SGCD: variants seen among roughly 807,000 people sequenced by gnomAD.
SGCD encodes sarcoglycan delta, also known as delta-sarcoglycan.
In SGCD, 18 loss-of-function variants were observed where a neutral mutation model predicts 36.6. The observed-to-expected ratio is 0.49, with a 90% confidence interval of 0.34 to 0.73. The LOEUF (loss-of-function observed/expected upper bound fraction) is 0.73, where lower values mean the gene tolerates loss of function less well. Among genes scored for constraint, SGCD ranks in the 30% least tolerant of loss-of-function variants. The pLI is 0.01. For missense variants in SGCD, 387 were observed against 346.7 expected (o/e 1.12, Z -0.92); for synonymous variants, 133 against 130.6 (o/e 1.02, Z -0.12).
intron 1 of SGCD, among the ~76,000 whole-genome samples, chr5:156,092,797 G>A (rs918622185): frequency 2.4e-4 from 36 of 152,294 alleles, no homozygotes; most frequent in East Asian, 7.7e-4. Flanking sequence ...TGGGCATTCT[G>A]ACATATAGAG....
At chr5:156,290,745 C>T (rs1420100334) in intron 3 of SGCD, among the ~76,000 whole-genome samples, 1 of 152,018 alleles carries the variant, frequency 6.6e-6, no homozygotes, top group East Asian at 1.9e-4. Flanking sequence ...ATATGATTTA[C>T]CCTCTCTTTT....
intron 6 of SGCD, among the ~76,000 whole-genome samples, chr5:156,612,032 A>G (rs1431168376): frequency 6.6e-6 from 1 of 152,136 alleles, no homozygotes; most frequent in Non-Finnish European, 1.5e-5. Flanking sequence ...GAGTTTCCTA[A>G]GCTCATGATT....
At chr5:156,668,597 T>C (rs1331578853) in intron 7 of SGCD, among the ~76,000 whole-genome samples, 1 of 152,230 alleles carries the variant, frequency 6.6e-6, no homozygotes, top group African/African-American at 2.4e-5. Flanking sequence ...CTATGTGTTG[T>C]ATATTCATCT....
Position 156,280,239 on chromosome 5 carries a change from A to T in SGCD, c.-43-49295A>T, listed in dbSNP as rs1340698402. 2.0e-5 allele frequency among the ~76,000 whole-genome samples: 3 copies of T among 152,228 alleles called. No individual in the cohort carries two copies. The East Asian group carries it at 5.8e-4, about 29-fold the overall frequency. On this transcript the variant is annotated intron_variant, in intron 3 of 9. Coordinates refer to the SGCD transcript ENST00000517913. ...CTCTAGTTTGCTTCTTATAATGCTG[A>T]GAATTGCTCATCCAACAGATTGGGT...
At chr5:155,748,071 C>G in the SGCD span, among the ~76,000 whole-genome samples, 2 of 152,206 alleles carry the variant, frequency 1.3e-5, 1 homozygote, top group Middle Eastern at 6.8e-3. Context: ...ATACCACACT[C>G]CAACTCTGAC....
chr5:156,451,666 T>C (rs1052447410), intron 3 of SGCD, among the ~76,000 whole-genome samples: 1 of 152,214 alleles, frequency 6.6e-6, no homozygotes, highest in Non-Finnish European at 1.5e-5. Context: ...ACAAAAGTTA[T>C]GAAATATTTG....
chr5:156,671,473 C>T lies in SGCD; in HGVS notation c.575+23937C>T, dbSNP rs184865434. On this transcript the variant is annotated intron_variant, in intron 7 of 8. Transcript: ENST00000337851. The stretch of plus-strand genomic sequence containing the variant: ...TTTTTTAGGAGAGAAGGGGTTTCAC[C>T]ATGTTGGTCAGGCTGGTCTCGAACT... Among the ~76,000 whole-genome samples, 13 of 152,072 alleles carry T rather than the reference C, an allele frequency of 8.5e-5. No homozygotes were observed. In the East Asian group the frequency reaches 2.3e-3, roughly 27 times the overall value.
the SGCD span, among the ~76,000 whole-genome samples, chr5:155,758,291 G>A: frequency 1.4e-3 from 212 of 152,244 alleles, no homozygotes; most frequent in Admixed American, 3.3e-3. Flanking sequence ...TATAACAGCC[G>A]TGGCAAAGTG....
At chr5:156,702,807 T>G (rs977929969) in intron 7 of SGCD, among the ~76,000 whole-genome samples, 1 of 151,500 alleles carries the variant, frequency 6.6e-6, no homozygotes, top group Non-Finnish European at 1.5e-5. Context: ...GTCCTTTGTT[T>G]TAAACTATCT....
At chr5:156,057,369 G>A (rs1309620533) in intron 1 of SGCD, among the ~76,000 whole-genome samples, 1 of 146,466 alleles carries the variant, frequency 6.8e-6, no homozygotes, top group Admixed American at 6.8e-5. Context: ...AGGGTCAAAT[G>A]AGGAATTATG....
intron 3 of SGCD, among the ~76,000 whole-genome samples, chr5:156,179,342 C>T (rs778094008): frequency 1.1e-4 from 17 of 151,982 alleles, no homozygotes; most frequent in Non-Finnish European, 1.9e-4. Context: ...ATATAAAATC[C>T]CATTATACGG....
In SGCD at chr5:156,757,912, A is replaced by G. The variant is rs1056575; in HGVS notation, c.699+208A>G. 579 of 1,323,606 alleles carry G rather than the reference A, an allele frequency of 4.4e-4. 2 individuals are homozygous for G. Among genetic ancestry groups the G allele is most frequent in the African/African-American group, 3.7e-3 (248 of 67,230 alleles). The allele number at this position is 1,323,606 out of a possible 1,614,324, so 82.0% of individuals were successfully genotyped here. ...TGATGATTTCTTATTTGTAAAATGC[A>G]GAGATAATGGCATGTATTCCAAGTA... On this transcript the variant is annotated intron_variant, in intron 8 of 8. Transcript: ENST00000337851.
At chr5:156,082,231 G>A (rs189674196) in intron 1 of SGCD, among the ~76,000 whole-genome samples, 34 of 137,638 alleles carry the variant, frequency 2.5e-4, no homozygotes, top group African/African-American at 8.6e-4. Flanking sequence ...GGTAAGGAGG[G>A]TTGAGAGACA....
chr5:156,343,600 A>G (rs1385405787), intron 2 of SGCD, among the ~76,000 whole-genome samples: 1 of 152,194 alleles, frequency 6.6e-6, no homozygotes, highest in African/African-American at 2.4e-5. Flanking sequence ...TGTGTTGACA[A>G]TTAGTAATTC....
At chr5:156,076,747 G>C (rs1760795019) in intron 1 of SGCD, among the ~76,000 whole-genome samples, 1 of 152,066 alleles carries the variant, frequency 6.6e-6, no homozygotes, top group Non-Finnish European at 1.5e-5. Context: ...CCCTAGACTT[G>C]AACATTACAT....
the SGCD span, among the ~76,000 whole-genome samples, chr5:155,787,865 A>T: frequency 1.3e-5 from 2 of 152,312 alleles, no homozygotes; most frequent in East Asian, 3.9e-4. Context: ...TTCTCCAGGG[A>T]TAATCATGCC....
At chr5:156,397,631 C>T (rs1368931423) in intron 3 of SGCD, among the ~76,000 whole-genome samples, 4 of 152,170 alleles carry the variant, frequency 2.6e-5, no homozygotes, top group Admixed American at 2.6e-4. Context: ...GTGCTAACTG[C>T]TTGGAAGATT....
chr5:156,503,933 G>A (rs184893425), intron 3 of SGCD, among the ~76,000 whole-genome samples: 17 of 152,116 alleles, frequency 1.1e-4, no homozygotes, highest in Middle Eastern at 3.4e-3. Context: ...CCCAGTCATG[G>A]TGGCTCATGC....
rs183447992 is a variant in SGCD, at chr5:156,147,420, C to T, written c.-44+23401C>T. On this transcript the variant is annotated intron_variant, in intron 3 of 9. Transcript: ENST00000517913. Reference sequence around the variant, plus strand: ...GAGTTCATAGTCTTAGGATGCTTTCCGGACTCTCTGACCATCTGGTTTTCC... The same window carrying T: ...GAGTTCATAGTCTTAGGATGCTTTCTGGACTCTCTGACCATCTGGTTTTCC... 7.9e-5 allele frequency among the ~76,000 whole-genome samples: 12 copies of T among 152,300 alleles called. No individual in the cohort carries two copies. In the East Asian group the frequency reaches 1.5e-3, roughly 20 times the overall value.
Sources: gnomAD v4.1 joint callset for allele counts (sites outside exome capture counted in the v4.1 genomes callset) on GRCh38, gnomAD v4.1.1 for gene constraint, MANE v1.5 for transcripts, NCBI Gene and HGNC (gene_info 2026-07-23, HGNC 2026-07-21) for gene names.